MPPED1: variants seen among roughly 807,000 people sequenced by gnomAD.
The protein encoded by MPPED1 is metallophosphoesterase domain-containing protein 1.
A neutral mutation model predicts 36.2 loss-of-function variants in MPPED1; 16 were observed. The ratio of observed to expected loss-of-function variants is 0.44; its 90% confidence interval spans 0.30 to 0.67. MPPED1 has a LOEUF of 0.67. Among genes scored for constraint, MPPED1 ranks in the 30% least tolerant of loss-of-function variants. The pLI is 0.10. For missense variants in MPPED1, 307 were observed against 453.4 expected (o/e 0.68, Z 2.93); for synonymous variants, 199 against 191.3 (o/e 1.04, Z -0.33).
intron 4 of MPPED1, among the ~76,000 whole-genome samples, chr22:43,477,119 G>A (rs1427119588): frequency 1.3e-5 from 2 of 152,172 alleles, no homozygotes; most frequent in Non-Finnish European, 2.9e-5. Context: ...CATTTGAACT[G>A]GGGCCAAAAG....
At chr22:43,434,283 GCCCTTGGTC>G (rs1308511625) in intron 2 of MPPED1, among the ~76,000 whole-genome samples, 4 of 152,230 alleles carry the variant, frequency 2.6e-5, no homozygotes, top group Non-Finnish European at 4.4e-5. Flanking sequence ...GCCCTGGAAG[GCCCTTGGTC>G]TAGAAATGAT....
intron 4 of MPPED1, among the ~76,000 whole-genome samples, chr22:43,482,087 G>A (rs1043345641): frequency 1.6e-4 from 24 of 152,052 alleles, no homozygotes; most frequent in African/African-American, 5.8e-4. Flanking sequence ...ACCAACTGCA[G>A]GAGAAGAGGA....
At chr22:43,463,811 C>CTTTCTTTCTTTCTTTT (rs1555901256) in intron 3 of MPPED1, among the ~76,000 whole-genome samples, 14 of 24,210 alleles carry the variant, frequency 5.8e-4, no homozygotes, top group Non-Finnish European at 7.6e-4. Context: ...TTTTTCTTTT[C>CTTTCTTTCTTTCTTTT]TTTCTTTCTT....
At chr22:43,447,934 A>G (rs1930420713) in intron 3 of MPPED1, among the ~76,000 whole-genome samples, 1 of 135,890 alleles carries the variant, frequency 7.4e-6, no homozygotes, top group Admixed American at 8.0e-5. Flanking sequence ...GCTGGAGTGC[A>G]GTGGTGCGAT....
At chr22:43,472,865 A>G (rs907897904) in intron 3 of MPPED1, among the ~76,000 whole-genome samples, 2 of 152,056 alleles carry the variant, frequency 1.3e-5, no homozygotes, top group Non-Finnish European at 2.9e-5. Context: ...GGACCCTTCT[A>G]TTTCCTTGCT....
intron 3 of MPPED1, among the ~76,000 whole-genome samples, chr22:43,464,398 T>A (rs1931090146): frequency 6.6e-6 from 1 of 152,058 alleles, no homozygotes; most frequent in African/African-American, 2.4e-5. Flanking sequence ...CCTATATTGA[T>A]ACCTATGGGT....
chr22:43,457,969 A>G (rs930437137), intron 3 of MPPED1, among the ~76,000 whole-genome samples: 4 of 152,222 alleles, frequency 2.6e-5, no homozygotes, highest in African/African-American at 9.6e-5. Context: ...CTGTAATTTT[A>G]CTTACTTTTC....
rs1211421198 is a variant in MPPED1, at chr22:43,502,508, C to T, written c.749-136C>T. On this transcript the variant is annotated intron_variant, in intron 5 of 6. Coordinates refer to ENST00000443721, the MANE Select transcript of MPPED1 (RefSeq NM_001044370.2). This position sits in a 1 kb window ranked among gnomAD's most constrained non-coding sequence, Gnocchi z 5.5. ...GCAGGGCAGGGTTCCGGAGAGCTTG[C>T]TAGGGGAGAGTGGTGCAAAGCCGGA... 1.5e-6 allele frequency: 1 copy of T among 661,196 alleles called. No individual in the cohort carries two copies. Among genetic ancestry groups the T allele is most frequent in the African/African-American group, 1.8e-5 (1 of 55,464 alleles). 41.0% of individuals were successfully genotyped at this position (661,196 alleles called of 1,614,324 possible).
In MPPED1 at chr22:43,502,977, T is replaced by C. The variant is rs1356014798; in HGVS notation, c.862+220T>C. ...ACAACATCCTGCATGACTTAGGGGG[T>C]AAATTTTGCTTCCGGGGAGCCCTGC... On this transcript the variant is annotated intron_variant, in intron 6 of 6. Transcript: ENST00000443721. The surrounding 1 kb of genome is among the most constrained non-coding windows in gnomAD (Gnocchi z 5.5). 1.3e-5 allele frequency among the ~76,000 whole-genome samples: 2 copies of C among 151,986 alleles called. No homozygotes were observed. The highest frequency in any genetic ancestry group is 2.9e-5 in the Non-Finnish European group (2 of 67,996).
At chr22:43,469,783 A>C (rs968047549) in intron 3 of MPPED1, among the ~76,000 whole-genome samples, 1 of 152,224 alleles carries the variant, frequency 6.6e-6, no homozygotes, top group African/African-American at 2.4e-5. Context: ...TAAAGGAGAC[A>C]GTCAGACCTA....
Position 43,431,401 on chromosome 22 carries a change from T to A in MPPED1, c.225-3633T>A, listed in dbSNP as rs11704866. Among the ~76,000 whole-genome samples the A allele has an allele frequency of 5.1e-3, 780 of 152,238 alleles. 1 individual carries two copies. Among genetic ancestry groups the A allele is most frequent in the Non-Finnish European group, 9.0e-3 (610 of 68,012 alleles). ...CCTTCACTTGCAAACATAGTCAGGTTTCTGGATCTTCACACCGGTGGCCTC... is the reference window on the plus strand; with the variant it reads ...CCTTCACTTGCAAACATAGTCAGGTATCTGGATCTTCACACCGGTGGCCTC... On this transcript the variant is annotated intron_variant, in intron 2 of 6. Transcript: ENST00000443721.
chr22:43,415,683 A>G (rs1929055987), intron 1 of MPPED1, among the ~76,000 whole-genome samples: 1 of 152,208 alleles, frequency 6.6e-6, no homozygotes, highest in Non-Finnish European at 1.5e-5. Flanking sequence ...GCGGGAAAAA[A>G]TAAATAAATA....
intron 1 of MPPED1, chr22:43,416,636 T>C (rs945066369): frequency 7.9e-5 from 12 of 152,214 alleles, no homozygotes; most frequent in African/African-American, 2.7e-4. Flanking sequence ...TCTGTGTGCA[T>C]GTTTGAAACA....
In MPPED1 at chr22:43,497,935, G is replaced by GTGTATATATATATATATATATATATATA. The variant is rs1555904573; in HGVS notation, c.633-299_633-298insGTATATATATATATATATATATATATAT. On this transcript the variant is annotated intron_variant, in intron 4 of 6. Coordinates refer to ENST00000443721, the MANE Select transcript of MPPED1 (RefSeq NM_001044370.2). ...AAGAAGCTGATATATATATGTATAT[G>GTGTATATATATATATATATATATATATA]TATATATATATATGTATTTAGCTTT... 1.4e-3 allele frequency among the ~76,000 whole-genome samples: 180 copies of GTGTATATATATATATATATATATATATA among 128,328 alleles called. 12 individuals carry two copies. The highest frequency in any genetic ancestry group is 5.8e-3 in the African/African-American group (168 of 28,898). The allele number at this position is 128,328 out of a possible 152,430, so 84.2% of individuals were successfully genotyped here. A position where few individuals can be genotyped will look rare whatever the true frequency, so the allele number is the denominator to read the frequency against.
At chr22:43,489,243 T>G (rs1329766595) in intron 4 of MPPED1, among the ~76,000 whole-genome samples, 2 of 151,990 alleles carry the variant, frequency 1.3e-5, no homozygotes, top group East Asian at 1.9e-4. Flanking sequence ...AGGGGCTGCT[T>G]CTTTTGTCTC....
intron 3 of MPPED1, among the ~76,000 whole-genome samples, chr22:43,469,980 T>G (rs551904378): frequency 1.3e-5 from 2 of 152,184 alleles, no homozygotes; most frequent in Admixed American, 1.3e-4. Flanking sequence ...CATCCATCCA[T>G]CTACCCACCC....
chr22:43,486,572 C>T (rs957012442), intron 4 of MPPED1, among the ~76,000 whole-genome samples: 4 of 152,100 alleles, frequency 2.6e-5, no homozygotes, highest in African/African-American at 9.7e-5. Context: ...CAAAGCTATC[C>T]TCAGAGGATT....
chr22:43,419,459 C>T (rs1601943343), intron 1 of MPPED1, among the ~76,000 whole-genome samples: 2 of 152,220 alleles, frequency 1.3e-5, no homozygotes, highest in African/African-American at 2.4e-5. Context: ...GAATAGCATT[C>T]GTGGAGGCTT....
At chr22:43,501,879 T>C (rs766841207) in intron 5 of MPPED1, among the ~76,000 whole-genome samples, 10 of 152,056 alleles carry the variant, frequency 6.6e-5, no homozygotes, top group Non-Finnish European at 1.3e-4. Flanking sequence ...CTTCTCTTTA[T>C]GCCTGTTGCT....
Sources: allele counts gnomAD v4.1 joint callset (sites outside exome capture counted in the v4.1 genomes callset), GRCh38; gene constraint gnomAD v4.1.1; non-coding constraint Gnocchi (gnomAD v3.1); transcripts MANE v1.5; gene names NCBI Gene and HGNC (gene_info 2026-07-23, HGNC 2026-07-21).